EXOC4: variants seen among roughly 807,000 people sequenced by gnomAD.
The protein encoded by EXOC4 is SEC8-like 1.
A neutral mutation model predicts 107.2 loss-of-function variants in EXOC4; 71 were observed. The observed-to-expected ratio is 0.66, with a 90% CI of 0.55 to 0.81. EXOC4 has a LOEUF of 0.81. Among genes scored for constraint, EXOC4 ranks in the 30% least tolerant of loss-of-function variants. The probability of loss-of-function intolerance (pLI) is 0.00; values close to 1 mark genes in which losing one functional copy is unlikely to be tolerated. For missense variants in EXOC4, 1,108 were observed against 1,189.6 expected (o/e 0.93, Z 1.01); for synonymous variants, 456 against 441.2 (o/e 1.03, Z -0.42).
chr7:133,938,071 T>G lies in EXOC4; in HGVS notation c.2206+2T>G. ...TCTCCAATCTTTCTACATCCCAGAG[T>G]AAGTATCTAGTAGGAAGCTGTTGTG... On this transcript the variant is annotated splice_donor_variant, in intron 14 of 17. Coordinates refer to ENST00000253861, the MANE Select transcript of EXOC4 (RefSeq NM_021807.4). LOFTEE classifies it high-confidence loss of function. 4 of 1,614,002 alleles carry G rather than the reference T, an allele frequency of 2.5e-6. No homozygotes were observed. The highest frequency in any genetic ancestry group is 3.4e-6 in the Non-Finnish European group (4 of 1,179,966).
intron 2 of EXOC4, among the ~76,000 whole-genome samples, chr7:133,285,921 G>T (rs368133966): frequency 1.3e-5 from 2 of 151,806 alleles, no homozygotes; most frequent in African/African-American, 4.8e-5. Flanking sequence ...CACTATACCC[G>T]GCTGATTTTT....
chr7:133,304,017 T>A (rs1026641538), intron 3 of EXOC4, among the ~76,000 whole-genome samples: 7 of 152,248 alleles, frequency 4.6e-5, no homozygotes, highest in Non-Finnish European at 7.3e-5. Context: ...GTCATAAAAT[T>A]CTGTATTTGG....
intron 7 of EXOC4, among the ~76,000 whole-genome samples, chr7:133,463,233 A>AT (rs1798636744): frequency 6.6e-6 from 1 of 152,176 alleles, no homozygotes; most frequent in South Asian, 2.1e-4. Context: ...AGCCACAACT[A>AT]ACTACACATT....
At chr7:133,550,050 C>T (rs1354274498) in intron 9 of EXOC4, among the ~76,000 whole-genome samples, 1 of 152,154 alleles carries the variant, frequency 6.6e-6, no homozygotes, top group Non-Finnish European at 1.5e-5. Context: ...ATGAAATCTT[C>T]TCTAAAGTAT....
intron 10 of EXOC4, among the ~76,000 whole-genome samples, chr7:133,703,854 C>T (rs1019536892): frequency 3.3e-5 from 5 of 152,186 alleles, no homozygotes; most frequent in South Asian, 2.1e-4. Context: ...TTTCCATCAG[C>T]GATGACCTTG....
At chr7:133,777,788 A>T (rs1241205985) in intron 10 of EXOC4, among the ~76,000 whole-genome samples, 1 of 152,170 alleles carries the variant, frequency 6.6e-6, no homozygotes, top group East Asian at 1.9e-4. Context: ...ACCACCTTTT[A>T]TAAGGTTGTT....
chr7:133,348,856 A>G (rs1335928985), intron 5 of EXOC4, among the ~76,000 whole-genome samples: 1 of 152,180 alleles, frequency 6.6e-6, no homozygotes, highest in African/African-American at 2.4e-5. Context: ...TGTCATCTTT[A>G]TAAGCTTAAG....
intron 10 of EXOC4, among the ~76,000 whole-genome samples, chr7:133,653,867 A>G (rs1055177472): frequency 6.6e-6 from 1 of 152,192 alleles, no homozygotes; most frequent in Non-Finnish European, 1.5e-5. Flanking sequence ...GGAAAAGGGC[A>G]AGAGAGTGCC....
chr7:133,253,318 G>A, intron 1 of EXOC4, 131 bp downstream of exon 1: 1 of 1,442,258 alleles, frequency 6.9e-7, no homozygotes, highest in Non-Finnish European at 9.1e-7. Flanking sequence ...CCCCTCCCCA[G>A]GGCTCTAACC....
chr7:133,847,276 A>ATAC (rs1474081772), intron 11 of EXOC4, among the ~76,000 whole-genome samples: 3 of 152,208 alleles, frequency 2.0e-5, no homozygotes, highest in African/African-American at 7.2e-5. Context: ...TCACTATGAT[A>ATAC]TACTATGTAA....
At chr7:133,495,658 G>T in intron 9 of EXOC4, among the ~76,000 whole-genome samples, 1 of 152,138 alleles carries the variant, frequency 6.6e-6, no homozygotes, top group East Asian at 1.9e-4. Flanking sequence ...TTGTGGATTT[G>T]CATATCAGTT....
intron 5 of EXOC4, among the ~76,000 whole-genome samples, chr7:133,330,877 A>T (rs1478372052): frequency 6.6e-6 from 1 of 151,440 alleles, no homozygotes; most frequent in Non-Finnish European, 1.5e-5. Context: ...GGGAGCTGCA[A>T]ACCGGAGCTG....
At chr7:133,445,592 C>G (rs948240393) in intron 7 of EXOC4, among the ~76,000 whole-genome samples, 1 of 150,420 alleles carries the variant, frequency 6.6e-6, no homozygotes, top group Non-Finnish European at 1.5e-5. Flanking sequence ...AATTGTGCTT[C>G]CACCTCAGAG....
intron 10 of EXOC4, chr7:133,630,348 T>G (rs528946449): frequency 8.7e-5 from 45 of 515,464 alleles, no homozygotes; most frequent in African/African-American, 8.2e-4. Flanking sequence ...GTAAATACTT[T>G]TATTTGATTT....
At chr7:133,609,921 C>T (rs73726931) in intron 9 of EXOC4, among the ~76,000 whole-genome samples, 1 of 152,330 alleles carries the variant, frequency 6.6e-6, no homozygotes, top group African/African-American at 2.4e-5. Flanking sequence ...TTGACCAAGA[C>T]ATCAGTAGTT....
intron 7 of EXOC4, among the ~76,000 whole-genome samples, chr7:133,394,179 C>A (rs1258328861): frequency 6.6e-6 from 1 of 152,170 alleles, no homozygotes; most frequent in Non-Finnish European, 1.5e-5. Flanking sequence ...TCATTTCTAT[C>A]ATGGGTGTGA....
intron 10 of EXOC4, among the ~76,000 whole-genome samples, chr7:133,769,965 G>A (rs1796212536): frequency 6.6e-6 from 1 of 151,760 alleles, no homozygotes; most frequent in Admixed American, 6.6e-5. Context: ...GTCAGCCTCT[G>A]CCAAGCTGAA....
chr7:133,624,270 A>G (rs1210601508), intron 9 of EXOC4, among the ~76,000 whole-genome samples: 4 of 152,150 alleles, frequency 2.6e-5, no homozygotes, highest in Non-Finnish European at 4.4e-5. Flanking sequence ...TATAATTTCA[A>G]CATCTATACA....
intron 5 of EXOC4, among the ~76,000 whole-genome samples, chr7:133,351,050 A>G (rs919269499): frequency 1.8e-4 from 28 of 152,108 alleles, no homozygotes; most frequent in Middle Eastern, 3.4e-3. Flanking sequence ...GTTAGTGTAT[A>G]GAAATGCAAT....
Sources: allele counts gnomAD v4.1 joint callset (sites outside exome capture counted in the v4.1 genomes callset), GRCh38; gene constraint gnomAD v4.1.1; transcripts MANE v1.5; gene names NCBI Gene and HGNC (gene_info 2026-07-23, HGNC 2026-07-21).